TRAF3IP2: variants seen among roughly 807,000 people sequenced by gnomAD.
The protein encoded by TRAF3IP2 is TRAF3 interacting protein 2.
Under a neutral mutation model 57.9 loss-of-function variants are expected in TRAF3IP2, and 35 were observed. That is an observed-to-expected ratio of 0.60 (90% CI 0.46 to 0.80). The LOEUF (loss-of-function observed/expected upper bound fraction) is 0.80. Ranked by LOEUF, TRAF3IP2 falls within the 30% of genes least tolerant of loss-of-function variation. The probability of loss-of-function intolerance (pLI) is 0.00; values close to 1 mark genes in which losing one functional copy is unlikely to be tolerated. For synonymous variants in TRAF3IP2, 251 were observed against 268.9 expected, an observed-to-expected ratio of 0.93 and a Z score of 0.65; for missense variants, 556 against 706.4, an observed-to-expected ratio of 0.79 and a Z score of 2.41.
intron 1 of TRAF3IP2, among the ~76,000 whole-genome samples, chr6:111,597,658 C>A (rs1201755837): frequency 2.6e-5 from 4 of 151,962 alleles, no homozygotes; most frequent in African/African-American, 9.7e-5. Context: ...TTTTAAAATA[C>A]AAAGAAAACC....
At chr6:111,559,691 G>T in intron 8 of TRAF3IP2, 140 bp from the exon 9 acceptor site, 2 of 1,047,474 alleles carry the variant, frequency 1.9e-6, no homozygotes, top group South Asian at 1.6e-5. Context: ...GTGCTGTTTT[G>T]CTTTTGGAAA....
At chr6:111,575,607 AAG>A (rs754308740) in intron 4 of TRAF3IP2, 34 bp downstream of exon 4, 1 of 1,356,672 alleles carries the variant, frequency 7.4e-7, no homozygotes, top group South Asian at 1.3e-5. Flanking sequence ...AAAAAAAAAA[AAG>A]AGGAAGGAGA....
At chr6:111,592,761 T>C (rs961952101) in intron 1 of TRAF3IP2, among the ~76,000 whole-genome samples, 5 of 152,300 alleles carry the variant, frequency 3.3e-5, no homozygotes, top group African/African-American at 1.2e-4. Context: ...AAAAGTGTTT[T>C]TTTTTAAGCA....
rs551083264 is a variant in TRAF3IP2, at chr6:111,567,437, T to C, written c.1359+187A>G. On this transcript the variant is annotated intron_variant, in intron 6 of 8. Transcript: ENST00000368761. ...TTGACCGTTATTTCCTGCCTGTGCATGTCCAAGAGGGCGACTCCGTCCTTC... is the reference window on the plus strand; with the variant it reads ...TTGACCGTTATTTCCTGCCTGTGCACGTCCAAGAGGGCGACTCCGTCCTTC... The C allele has an allele frequency of 2.3e-6, 3 of 1,320,090 alleles. No homozygotes were observed. The African/African-American group carries it at 4.5e-5, about 20-fold the overall frequency. 81.8% of individuals were successfully genotyped at this position (1,320,090 alleles called of 1,614,324 possible). A position where few individuals can be genotyped will look rare whatever the true frequency, so the allele number is the denominator to read the frequency against.
In TRAF3IP2 at chr6:111,559,264, G is replaced by C. The variant is rs1199200440; in HGVS notation, c.*141C>G. On this transcript the variant is annotated 3_prime_UTR_variant, in exon 9 of 9. Transcript: ENST00000368761. ...CTCCGGGGAAGAGCTCTGCACAACA[G>C]GTTTCCTGGGGGCCAGAGGGCCTCT... is the stretch of plus-strand genomic sequence containing the variant. The C allele has an allele frequency of 5.0e-6, 6 of 1,199,836 alleles. No individual in the cohort carries two copies. The highest frequency in any genetic ancestry group is 7.0e-6 in the Non-Finnish European group (6 of 860,666). The allele number at this position is 1,199,836 out of a possible 1,614,324, so 74.3% of individuals were successfully genotyped here.
chr6:111,575,358 G>C (rs978931110), intron 4 of TRAF3IP2, among the ~76,000 whole-genome samples: 1 of 152,080 alleles, frequency 6.6e-6, no homozygotes, highest in African/African-American at 2.4e-5. Flanking sequence ...GGAGGCCGAG[G>C]CAGGTGGATC....
chr6:111,591,769 G>A lies in TRAF3IP2; in HGVS notation c.318C>T (p.Phe106=). 1 of 1,614,228 alleles carries A rather than the reference G, an allele frequency of 6.2e-7. No homozygotes were observed. Among genetic ancestry groups the A allele is most frequent in the Non-Finnish European group, 8.5e-7 (1 of 1,180,040 alleles). ...CRRHPGLGKA[F]PSGCSAVSEP... ...CGCTGACTGCAGAGCACCCAGAAGG[G>A]AAAGCTTTGCCCAGGCCTGGGTGTC... Residue 106 remains phenylalanine, a synonymous_variant, in exon 2 of 9, where the codon TTC becomes TTT. Transcript: ENST00000368761. This position sits in a 1 kb window ranked among gnomAD's most constrained non-coding sequence, Gnocchi z 4.9.
In TRAF3IP2 at chr6:111,572,928, C is replaced by G. The variant is rs774751919; in HGVS notation, c.1257G>C (p.Val419=). ...MDTAMEVVKF[V]NFLLVNGFQT... ...GGAAGCCATTTACCAACAAAAAGTT[C>G]ACGAATTTCACCACCTCCATAGCTG... Residue 419 remains valine (V), a synonymous_variant, in exon 5 of 9, where the codon GTG becomes GTC. Transcript: ENST00000368761. The G allele has an allele frequency of 6.2e-7, 1 of 1,613,964 alleles. No homozygotes were observed. The highest frequency in any genetic ancestry group is 8.5e-7 in the Non-Finnish European group (1 of 1,180,014).
chr6:111,561,666 G>A (rs1484191736), intron 8 of TRAF3IP2, among the ~76,000 whole-genome samples: 1 of 152,204 alleles, frequency 6.6e-6, no homozygotes, highest in South Asian at 2.1e-4. Context: ...AGAAAACTAC[G>A]CAAGGGGACA....
chr6:111,603,777 C>G (rs1475284186), intron 1 of TRAF3IP2, among the ~76,000 whole-genome samples: 1 of 152,194 alleles, frequency 6.6e-6, no homozygotes, highest in East Asian at 1.9e-4. Context: ...GAGTTAAGAA[C>G]CTTTCTATCC....
At position 111,592,004 on chromosome 6, in the gene TRAF3IP2, G is replaced by C. The variant is rs369345925; in HGVS notation, c.83C>G (p.Pro28Arg). ...QLLKPIPEYS[P>R]EEESEPPAPN... ...AGCAGGTGGTTCTGATTCCTCTTCC[G>C]GGGAATATTCTGGGATTGGTTTCAG... is the stretch of plus-strand genomic sequence containing the variant. The change falls in exon 2 of 9, where the codon CCG becomes CGG. Residue 28 changes from proline (P) to arginine (R), a missense_variant. Transcript: ENST00000368761. 4.8e-5 allele frequency: 77 copies of C among 1,614,064 alleles called. No individual in the cohort carries two copies. In the Admixed American group the frequency reaches 1.1e-3, roughly 22 times the overall value.
At chr6:111,573,849 A>G (rs1795901820) in intron 4 of TRAF3IP2, 1 of 152,258 alleles carries the variant, frequency 6.6e-6, no homozygotes, top group South Asian at 2.1e-4. Flanking sequence ...TTGGGGCAGA[A>G]GATGGAGAAG....
intron 2 of TRAF3IP2, among the ~76,000 whole-genome samples, chr6:111,583,634 G>A (rs1487654721): frequency 2.0e-5 from 3 of 152,278 alleles, no homozygotes; most frequent in South Asian, 2.1e-4. Flanking sequence ...AACAAGCTCA[G>A]GGCTCCCACT....
intron 2 of TRAF3IP2, among the ~76,000 whole-genome samples, chr6:111,583,404 G>A (rs1391278727): frequency 6.6e-6 from 1 of 152,204 alleles, no homozygotes; most frequent in Non-Finnish European, 1.5e-5. Context: ...TAAACAGTGG[G>A]TGAGTAAGTG....
chr6:111,565,648 A>G (rs2128370974), intron 7 of TRAF3IP2, among the ~76,000 whole-genome samples: 1 of 152,032 alleles, frequency 6.6e-6, no homozygotes, highest in East Asian at 1.9e-4. Flanking sequence ...TCACGGGGAG[A>G]AGGAGGATTC....
At chr6:111,580,500 A>G in intron 2 of TRAF3IP2, 111 bp from the exon 3 acceptor site, 2 of 918,202 alleles carry the variant, frequency 2.2e-6, no homozygotes, top group Non-Finnish European at 3.1e-6. Context: ...TGAGGGGTCC[A>G]GATATCTGTT....
chr6:111,572,982 C>T lies in TRAF3IP2; in HGVS notation c.1203G>A (p.Arg401=). 4.3e-6 allele frequency: 7 copies of T among 1,611,642 alleles called. No homozygotes were observed. Among genetic ancestry groups the T allele is most frequent in the Non-Finnish European group, 5.9e-6 (7 of 1,178,926 alleles). The stretch of plus-strand genomic sequence containing the variant: ...CCATCGAATAAGTGATAAAGACTTT[C>T]CCTAAGAGAAAATTTTTACATTTAT... ...LKTSNLPEEL[R]KVFITYSMDT... Residue 401 remains arginine, a splice_region_variant and synonymous_variant, in exon 5 of 9, where the codon CGG becomes CGA. Coordinates refer to ENST00000368761, the MANE Select transcript of TRAF3IP2 (RefSeq NM_147686.4).
chr6:111,577,754 C>T (rs2128376640), intron 3 of TRAF3IP2, among the ~76,000 whole-genome samples: 2 of 152,074 alleles, frequency 1.3e-5, no homozygotes, highest in Non-Finnish European at 2.9e-5. Context: ...CTCTGTCACC[C>T]AGGCTGGAGT....
chr6:111,585,022 G>C (rs545259995), intron 2 of TRAF3IP2, among the ~76,000 whole-genome samples: 1 of 152,158 alleles, frequency 6.6e-6, no homozygotes, highest in African/African-American at 2.4e-5. Flanking sequence ...ATGACATCAA[G>C]CTCCTTGCTT....
Sources: gnomAD v4.1 joint callset for allele counts (sites outside exome capture counted in the v4.1 genomes callset) on GRCh38, gnomAD v4.1.1 for gene constraint, Gnocchi (gnomAD v3.1) non-coding constraint, MANE v1.5 for transcripts, NCBI Gene and HGNC (gene_info 2026-07-23, HGNC 2026-07-21) for gene names.